The following SH3GLB2 variants were observed in gnomAD, a reference collection of about 807,000 sequenced individuals.
The protein encoded by SH3GLB2 is endophilin-B2.
A neutral mutation model predicts 48.0 loss-of-function variants in SH3GLB2; 24 were observed. The observed-to-expected ratio is 0.50, with a 90% CI of 0.36 to 0.70. The LOEUF is 0.70. Ranked by LOEUF, SH3GLB2 falls within the 30% of genes least tolerant of loss-of-function variation. SH3GLB2 has a pLI of 0.00. For synonymous variants in SH3GLB2, 227 were observed against 207.6 expected (o/e 1.09, Z -0.80); for missense variants, 425 against 516.0 (o/e 0.82, Z 1.71).
chr9:129,028,321 C>G lies in SH3GLB2; in HGVS notation c.-167G>C, dbSNP rs1844294105. 3.4e-6 allele frequency: 1 copy of G among 293,116 alleles called. No homozygotes were observed. The highest frequency in any genetic ancestry group is 2.3e-5 in the African/African-American group (1 of 43,390). 18.2% of individuals were successfully genotyped at this position (293,116 alleles called of 1,614,324 possible). A position where few individuals can be genotyped will look rare whatever the true frequency, so the allele number is the denominator to read the frequency against. On this transcript the variant is annotated 5_prime_UTR_variant, in exon 1 of 11. Coordinates refer to ENST00000372564, the MANE Select transcript of SH3GLB2 (RefSeq NM_020145.4). The stretch of plus-strand genomic sequence containing the variant: ...GCCCGCCGCAGCCGCCGAGCCAGCC[C>G]GAGCGCGCAGGGCGGGGCGCGGAGG...
In SH3GLB2 at chr9:129,014,125, G is replaced by C. The variant is rs924678341; in HGVS notation, c.561+286C>G. On this transcript the variant is annotated intron_variant, in intron 5 of 10. Transcript: ENST00000372564. This position sits in a 1 kb window ranked among gnomAD's most constrained non-coding sequence, Gnocchi z 4.1. ...GCCGAGCATCTAGGAGGGCAGGGCA[G>C]GGCATGCAGGAGACTCCAGCTGCCT... The C allele has an allele frequency of 1.6e-6, 1 of 619,866 alleles. No individual in the cohort carries two copies. Among genetic ancestry groups the C allele is most frequent in the Admixed American group, 2.2e-5 (1 of 46,170 alleles). The allele number at this position is 619,866 out of a possible 1,614,324, so 38.4% of individuals were successfully genotyped here.
At position 129,021,228 on chromosome 9, in the gene SH3GLB2, A is replaced by T; in HGVS notation, c.206-9T>A. On this transcript the variant is annotated splice_polypyrimidine_tract_variant and intron_variant, in intron 2 of 10. Transcript: ENST00000372564. Reference sequence around the variant, plus strand: ...CTCCTCCACTCGGGCACCTGTGGGGAGACAGCAGCCAAAGCCACAGGGCTC... The same window carrying T: ...CTCCTCCACTCGGGCACCTGTGGGGTGACAGCAGCCAAAGCCACAGGGCTC... 6.3e-7 allele frequency: 1 copy of T among 1,597,374 alleles called. No homozygotes were observed. The highest frequency in any genetic ancestry group is 2.2e-5 in the East Asian group (1 of 44,468).
At position 129,009,501 on chromosome 9, in the gene SH3GLB2, AG is replaced by A. The variant is rs1157506304; in HGVS notation, c.840-156del. ...ACAAAGGGAAAAGCAAAGCAAGGGA[AG>A]GGTGAGATGGCCCCACCCCCTGGTC... On this transcript the variant is annotated intron_variant, in intron 9 of 10. Coordinates refer to ENST00000372564, the MANE Select transcript of SH3GLB2 (RefSeq NM_020145.4). 5 of 1,548,550 alleles carry A rather than the reference AG, an allele frequency of 3.2e-6. No individual in the cohort carries two copies. The Admixed American group carries it at 7.8e-5, about 24-fold the overall frequency.
intron 7 of SH3GLB2, 109 bp downstream of exon 7, chr9:129,010,561 C>T (rs1262925749): frequency 3.1e-6 from 4 of 1,298,542 alleles, no homozygotes; most frequent in Non-Finnish European, 3.3e-6. Context: ...AACCCCTCCC[C>T]AGTGGGTGTG....
At position 129,014,285 on chromosome 9, in the gene SH3GLB2, G is replaced by T; in HGVS notation, c.561+126C>A. On this transcript the variant is annotated intron_variant, in intron 5 of 10. Transcript: ENST00000372564. The surrounding 1 kb of genome is among the most constrained non-coding windows in gnomAD (Gnocchi z 4.1). ...GAGAGGCTCAGCCCAGCAGCCCCCA[G>T]CCAGGCATCTCCAGCCAGGGAGAGG... 1.1e-6 allele frequency: 1 copy of T among 892,764 alleles called. No homozygotes were observed. Among genetic ancestry groups the T allele is most frequent in the Non-Finnish European group, 1.7e-6 (1 of 578,866 alleles). 55.3% of individuals were successfully genotyped at this position (892,764 alleles called of 1,614,324 possible).
At chr9:129,012,904 G>A in intron 5 of SH3GLB2, 2 of 1,439,894 alleles carry the variant, frequency 1.4e-6, no homozygotes, top group Non-Finnish European at 1.9e-6. Context: ...GAGACCAGCT[G>A]CTTGCAAAAT....
At chr9:129,010,917 G>T in intron 6 of SH3GLB2, 1 of 594,656 alleles carries the variant, frequency 1.7e-6, no homozygotes, top group Non-Finnish European at 3.0e-6. Context: ...GGAGCAGCCA[G>T]CAGGAGTCCT....
intron 7 of SH3GLB2, 27 bp downstream of exon 7, chr9:129,010,643 A>C: frequency 1.2e-6 from 2 of 1,613,386 alleles, no homozygotes; most frequent in Non-Finnish European, 1.7e-6. Flanking sequence ...TTCTTCCTCG[A>C]GCCCAGCCCC....
chr9:129,028,018 G>A, intron 1 of SH3GLB2, 74 bp downstream of exon 1: 3 of 1,395,598 alleles, frequency 2.1e-6, no homozygotes, highest in Non-Finnish European at 1.9e-6. Flanking sequence ...CGCGTCCCCA[G>A]GCGTCTGCCG....
chr9:129,010,789 T>TTCTGCCCCCCTGCCCC, intron 6 of SH3GLB2, 96 bp from the exon 7 acceptor site: 1 of 1,490,008 alleles, frequency 6.7e-7, no homozygotes, highest in Non-Finnish European at 9.2e-7. Context: ...CAGACTCAAC[T>TTCTGCCCCCCTGCCCC]TCTGCCCCCC....
chr9:129,022,454 A>C, intron 1 of SH3GLB2, 31 bp from the exon 2 acceptor site: 1 of 803,820 alleles, frequency 1.2e-6, no homozygotes, highest in Non-Finnish European at 1.8e-6. Flanking sequence ...AGGGGTGGGG[A>C]GGGGGAGAGC....
chr9:129,009,589 C>G (rs1271697333), intron 9 of SH3GLB2, 182 bp downstream of exon 9: 2 of 1,517,248 alleles, frequency 1.3e-6, no homozygotes, highest in East Asian at 2.5e-5. Flanking sequence ...GGGACTTGGC[C>G]GTCAGTAAGG....
chr9:129,012,917 C>T (rs1167956992), intron 5 of SH3GLB2: 2 of 1,509,884 alleles, frequency 1.3e-6, no homozygotes, highest in East Asian at 4.9e-5. Flanking sequence ...TGCAAAATGC[C>T]CCAAGGACGT....
At chr9:129,028,044 C>T in intron 1 of SH3GLB2, 48 bp downstream of exon 1, 1 of 1,484,768 alleles carries the variant, frequency 6.7e-7, no homozygotes, top group Non-Finnish European at 8.9e-7. Context: ...TGCTCCCCGC[C>T]CGCCGCACAT....
rs1402947541 is a variant in SH3GLB2, at chr9:129,019,564, G to C, written c.334+1527C>G. Among the ~76,000 whole-genome samples the C allele has an allele frequency of 2.0e-5, 3 of 151,238 alleles. No individual in the cohort carries two copies. The East Asian group carries it at 5.8e-4, about 29-fold the overall frequency. On this transcript the variant is annotated intron_variant, in intron 3 of 10. Transcript: ENST00000372564. ...CTGCTAAAAATACAAAAATTAGCTG[G>C]GAGTGGTGGTGGGCGTGTGCAATCC...
chr9:129,020,879 C>A (rs1843746944), intron 3 of SH3GLB2, among the ~76,000 whole-genome samples: 1 of 112,530 alleles, frequency 8.9e-6, no homozygotes, highest in African/African-American at 3.7e-5. Flanking sequence ...CAAAAAAAAA[C>A]AAAAACAAAA....
rs780247761 is a variant in SH3GLB2 at position 129,009,187 on chromosome 9, A to AG, written c.998dup (p.Ala334CysfsTer12). The stretch of plus-strand genomic sequence containing the variant: ...CCCGAGCTTTGCGGGTCCCACTGGC[A>AG]GGGGGGGCCACCTCTTCCAGGCAGA... On this transcript the variant is annotated frameshift_variant, in exon 10 of 11. Coordinates refer to ENST00000372564, the MANE Select transcript of SH3GLB2 (RefSeq NM_020145.4). LOFTEE classifies it high-confidence loss of function. 4.3e-6 allele frequency: 7 copies of AG among 1,611,130 alleles called. No homozygotes were observed. The highest frequency in any genetic ancestry group is 1.7e-6 in the Non-Finnish European group (2 of 1,179,298).
chr9:129,026,040 C>T (rs535913935), intron 1 of SH3GLB2, among the ~76,000 whole-genome samples: 4 of 152,260 alleles, frequency 2.6e-5, no homozygotes, highest in South Asian at 2.1e-4. Context: ...TTTCTTGCCT[C>T]GGTGCCCTTA....
At chr9:129,016,342 T>TAAAAAAA (rs57505648) in intron 3 of SH3GLB2, among the ~76,000 whole-genome samples, 2 of 34,102 alleles carry the variant, frequency 5.9e-5, no homozygotes, top group Non-Finnish European at 1.1e-4. Context: ...AGACTGTCTT[T>TAAAAAAA]AAAAAAAAAA....
Sources: gnomAD v4.1 joint callset for allele counts (sites outside exome capture counted in the v4.1 genomes callset) on GRCh38, gnomAD v4.1.1 for gene constraint, Gnocchi (gnomAD v3.1) non-coding constraint, MANE v1.5 for transcripts, NCBI Gene and HGNC (gene_info 2026-07-23, HGNC 2026-07-21) for gene names.